The following EFCAB6 variants were observed in gnomAD, a reference collection of about 807,000 sequenced individuals.
The protein encoded by EFCAB6 is EF-hand calcium-binding domain-containing protein 6.
Under a neutral mutation model 169.8 loss-of-function variants are expected in EFCAB6, and 156 were observed. The observed-to-expected ratio is 0.92, with a 90% CI of 0.81 to 1.05. The LOEUF is 1.05. EFCAB6 is among the 50% of genes least tolerant of loss of function. The pLI is 0.00. For synonymous variants in EFCAB6, 698 were observed against 676.4 expected, an observed-to-expected ratio of 1.03 and a Z score of -0.50; for missense variants, 1,800 against 1,829.1, an observed-to-expected ratio of 0.98 and a Z score of 0.29.
chr22:43,549,814 G>T (rs985220387), intron 27 of EFCAB6, among the ~76,000 whole-genome samples: 1 of 152,210 alleles, frequency 6.6e-6, no homozygotes, highest in Non-Finnish European at 1.5e-5. Context: ...AATACCTCAT[G>T]AGCAAGTTTG....
chr22:43,796,448 T>G (rs557011262), intron 2 of EFCAB6, among the ~76,000 whole-genome samples: 4 of 152,322 alleles, frequency 2.6e-5, no homozygotes, highest in Non-Finnish European at 5.9e-5. Flanking sequence ...ACTGTTTTGT[T>G]TGTAATACTC....
At chr22:43,645,585 T>C (rs2056102999) in intron 17 of EFCAB6, among the ~76,000 whole-genome samples, 2 of 152,326 alleles carry the variant, frequency 1.3e-5, no homozygotes, top group Admixed American at 6.5e-5. Context: ...TTTGTAACAA[T>C]TGCATACCCA....
chr22:43,762,479 C>T (rs2061197227), intron 5 of EFCAB6, among the ~76,000 whole-genome samples: 1 of 152,178 alleles, frequency 6.6e-6, no homozygotes, highest in African/African-American at 2.4e-5. Context: ...TCTGAAGATT[C>T]CAGCTCAGTA....
At chr22:43,557,957 A>G (rs1230039651) in intron 26 of EFCAB6, among the ~76,000 whole-genome samples, 43 of 152,222 alleles carry the variant, frequency 2.8e-4, no homozygotes, top group Admixed American at 2.8e-3. Flanking sequence ...ATGGTATAAA[A>G]TAGAAATAGA....
At chr22:43,659,993 G>A (rs1442827537) in intron 17 of EFCAB6, among the ~76,000 whole-genome samples, 1 of 152,200 alleles carries the variant, frequency 6.6e-6, no homozygotes, top group African/African-American at 2.4e-5. Flanking sequence ...CCCTGAGCAA[G>A]CTTGCTGATG....
chr22:43,608,140 T>G (rs911397550), intron 22 of EFCAB6, among the ~76,000 whole-genome samples: 1 of 152,182 alleles, frequency 6.6e-6, no homozygotes, highest in Non-Finnish European at 1.5e-5. Flanking sequence ...TGAGTTATAT[T>G]AGAGTTAAGT....
At chr22:43,672,382 G>T in intron 13 of EFCAB6, 77 bp from the exon 14 acceptor site, 1 of 1,490,546 alleles carries the variant, frequency 6.7e-7, no homozygotes, top group Non-Finnish European at 9.3e-7. Flanking sequence ...AGGTGGACCT[G>T]GACTGGAATC....
intron 22 of EFCAB6, among the ~76,000 whole-genome samples, chr22:43,605,029 A>C (rs1438867315): frequency 5.9e-5 from 9 of 152,166 alleles, no homozygotes; most frequent in Non-Finnish European, 1.3e-4. Flanking sequence ...ACCTGGTTAA[A>C]TGAGGCTACA....
chr22:43,579,430 G>C (rs1602390524), intron 25 of EFCAB6, among the ~76,000 whole-genome samples: 3 of 150,484 alleles, frequency 2.0e-5, no homozygotes, highest in African/African-American at 7.4e-5. Flanking sequence ...GTACATGCAG[G>C]CATCATTCCC....
chr22:43,768,427 A>G (rs1308482769), intron 4 of EFCAB6, among the ~76,000 whole-genome samples: 2 of 152,236 alleles, frequency 1.3e-5, no homozygotes, highest in South Asian at 2.1e-4. Flanking sequence ...TTAGGCTTAC[A>G]TTAACTACTA....
intron 5 of EFCAB6, among the ~76,000 whole-genome samples, chr22:43,761,143 T>C (rs2061149830): frequency 1.3e-5 from 2 of 152,160 alleles, no homozygotes; most frequent in Admixed American, 1.3e-4. Flanking sequence ...CCCTTCCTCC[T>C]TCCACTCTGC....
chr22:43,716,891 C>T lies in EFCAB6; in HGVS notation c.839G>A (p.Arg280Lys), dbSNP rs1428554776. ...LGSASSEDIW[R>K]NYSLDEIERN... ...CTCAATTTCATCCAAGGAGTAGTTT[C>T]TCCAGATATCTTCAGATGATGCAGA... Residue 280 changes from arginine (R) to lysine (K), a missense_variant, in exon 9 of 32, where the codon AGA becomes AAA. By Grantham distance (26) the Arg-to-Lys change is conservative (BLOSUM62 2). Coordinates refer to ENST00000262726, the MANE Select transcript of EFCAB6 (RefSeq NM_022785.4). 3 of 1,603,326 alleles carry T rather than the reference C, an allele frequency of 1.9e-6. No individual in the cohort carries two copies. Among genetic ancestry groups the T allele is most frequent in the Non-Finnish European group, 2.6e-6 (3 of 1,175,408 alleles).
intron 10 of EFCAB6, among the ~76,000 whole-genome samples, chr22:43,698,454 TC>T (rs2058653953): frequency 6.6e-6 from 1 of 152,174 alleles, no homozygotes; most frequent in African/African-American, 2.4e-5. Context: ...CACCAAGATA[TC>T]CCATGCAATA....
chr22:43,770,818 A>T (rs1184319515), intron 4 of EFCAB6, among the ~76,000 whole-genome samples: 2 of 152,194 alleles, frequency 1.3e-5, no homozygotes, highest in Non-Finnish European at 2.9e-5. Context: ...AAACTTCACA[A>T]ATTCAAAAAA....
chr22:43,660,269 T>G (rs968326750), intron 17 of EFCAB6, among the ~76,000 whole-genome samples: 25 of 152,222 alleles, frequency 1.6e-4, no homozygotes, highest in African/African-American at 5.8e-4. Flanking sequence ...CGTGGGTCAC[T>G]GGCCCAAAGC....
At position 43,735,962 on chromosome 22, in the gene EFCAB6, G is replaced by C. The variant is rs1316198980; in HGVS notation, c.539C>G (p.Ala180Gly). The change falls in exon 7 of 32, where the codon GCC (alanine) becomes GGC (glycine). Residue 180 changes from alanine (A) to glycine (G), a missense_variant. By Grantham distance (60) the Ala-to-Gly change is moderately conservative. Coordinates refer to ENST00000262726, the MANE Select transcript of EFCAB6 (RefSeq NM_022785.4). ...CTTGTTAACATCAATGAGCTCAAAG[G>C]CTTTCATAACAGTCTTAATGTTTTT... Reference protein sequence around the residue: ...VFKNIKTVMKAFELIDVNKTG... With the variant: ...VFKNIKTVMKGFELIDVNKTG... 29 of 1,613,698 alleles carry C rather than the reference G, an allele frequency of 1.8e-5. No homozygotes were observed. Among genetic ancestry groups the C allele is most frequent in the Non-Finnish European group, 2.4e-5 (28 of 1,179,966 alleles).
intron 2 of EFCAB6, among the ~76,000 whole-genome samples, chr22:43,792,465 A>G (rs1386033350): frequency 6.6e-6 from 1 of 152,228 alleles, no homozygotes; most frequent in East Asian, 1.9e-4. Flanking sequence ...TTATCTGTGT[A>G]GCTGAAATAA....
At chr22:43,703,937 GAAA>G (rs1456259701) in intron 10 of EFCAB6, among the ~76,000 whole-genome samples, 2 of 151,934 alleles carry the variant, frequency 1.3e-5, no homozygotes, top group Non-Finnish European at 2.9e-5. Flanking sequence ...AAAAAGCCTA[GAAA>G]GCATATTTAA....
chr22:43,688,337 G>C (rs533503110), intron 10 of EFCAB6, among the ~76,000 whole-genome samples: 2 of 152,290 alleles, frequency 1.3e-5, no homozygotes, highest in East Asian at 3.9e-4. Flanking sequence ...TAATACATGT[G>C]TTGTTATAAG....
Sources: allele counts gnomAD v4.1 joint callset (sites outside exome capture counted in the v4.1 genomes callset), GRCh38; gene constraint gnomAD v4.1.1; transcripts MANE v1.5; gene names NCBI Gene and HGNC (gene_info 2026-07-23, HGNC 2026-07-21).